PPM1E: variants seen among roughly 807,000 people sequenced by gnomAD.
PPM1E encodes protein phosphatase 1E.
Under a neutral mutation model 65.9 loss-of-function variants are expected in PPM1E, and 20 were observed. That is an observed-to-expected ratio of 0.30 (90% CI 0.21 to 0.44). The LOEUF (loss-of-function observed/expected upper bound fraction) is 0.44. Ranked by LOEUF, PPM1E falls within the 20% of genes least tolerant of loss-of-function variation. The probability of loss-of-function intolerance (pLI) is 1.00; values close to 1 mark genes in which losing one functional copy is unlikely to be tolerated. For synonymous variants in PPM1E, 352 were observed against 374.9 expected (o/e 0.94, Z 0.70); for missense variants, 713 against 953.1 (o/e 0.75, Z 3.32).
chr17:58,830,931 C>T (rs144101987), intron 1 of PPM1E, among the ~76,000 whole-genome samples: 36 of 151,904 alleles, frequency 2.4e-4, no homozygotes, highest in African/African-American at 7.5e-4. Flanking sequence ...GTGATCCACC[C>T]GCCTTGGCCT....
At chr17:58,895,592 A>G (rs2051402682) in intron 1 of PPM1E, among the ~76,000 whole-genome samples, 1 of 151,940 alleles carries the variant, frequency 6.6e-6, no homozygotes, top group South Asian at 2.1e-4. Context: ...AGATCACTTG[A>G]GCCCAGGAGT....
chr17:58,933,730 A>G (rs551143785), intron 1 of PPM1E, among the ~76,000 whole-genome samples: 1 of 150,188 alleles, frequency 6.7e-6, no homozygotes, highest in African/African-American at 2.5e-5. Context: ...TGGAAAGTGG[A>G]GGTTTCAGTG....
chr17:58,953,526 C>G (rs1330256127), intron 1 of PPM1E, among the ~76,000 whole-genome samples: 2 of 152,190 alleles, frequency 1.3e-5, no homozygotes, highest in Admixed American at 1.3e-4. Context: ...GAGGGACCTG[C>G]TTCCATGACC....
intron 1 of PPM1E, among the ~76,000 whole-genome samples, chr17:58,921,814 G>A (rs897860023): frequency 1.8e-4 from 27 of 152,090 alleles, no homozygotes; most frequent in Admixed American, 5.2e-4. Context: ...GCCGAGGTGG[G>A]TGGATTGTCT....
At chr17:58,952,529 G>A (rs2052253820) in intron 1 of PPM1E, among the ~76,000 whole-genome samples, 1 of 152,180 alleles carries the variant, frequency 6.6e-6, no homozygotes, top group Admixed American at 6.5e-5. Context: ...ACAGGCATGG[G>A]AATGTTACTG....
chr17:58,923,461 T>C (rs1320473391), intron 1 of PPM1E, among the ~76,000 whole-genome samples: 1 of 151,626 alleles, frequency 6.6e-6, no homozygotes, highest in Non-Finnish European at 1.5e-5. Context: ...AAAAAGTCAT[T>C]TGGGCTGGGC....
At chr17:58,933,468 A>G (rs1013037836) in intron 1 of PPM1E, among the ~76,000 whole-genome samples, 35 of 152,228 alleles carry the variant, frequency 2.3e-4, no homozygotes, top group African/African-American at 8.4e-4. Context: ...ATATTGATAA[A>G]TTAAGAAATA....
At chr17:58,968,122 G>C (rs1422156660) in intron 3 of PPM1E, among the ~76,000 whole-genome samples, 1 of 152,038 alleles carries the variant, frequency 6.6e-6, no homozygotes, top group Non-Finnish European at 1.5e-5. Context: ...CTAGAGAGTT[G>C]TTTAATCCGT....
At position 58,984,996 on chromosome 17, in the gene PPM1E, G is replaced by A. The variant is rs774693868; in HGVS notation, c.*3965G>A. 4 of 152,600 alleles carry A rather than the reference G, an allele frequency of 2.6e-5. No homozygotes were observed. The highest frequency in any genetic ancestry group is 9.7e-5 in the African/African-American group (4 of 41,438). The allele number at this position is 152,600 out of a possible 1,614,324, so 9.5% of individuals were successfully genotyped here. On this transcript the variant is annotated 3_prime_UTR_variant, in exon 7 of 7. Coordinates refer to ENST00000308249, the MANE Select transcript of PPM1E (RefSeq NM_014906.5). ...CAAAGAATTCTCTATGGAGTGAAGCGAATGAAGTGAATAATTTCTTACCAA... is the reference window on the plus strand; with the variant it reads ...CAAAGAATTCTCTATGGAGTGAAGCAAATGAAGTGAATAATTTCTTACCAA...
At chr17:58,825,710 C>G (rs1445615076) in intron 1 of PPM1E, among the ~76,000 whole-genome samples, 1 of 151,764 alleles carries the variant, frequency 6.6e-6, no homozygotes, top group Non-Finnish European at 1.5e-5. Flanking sequence ...GCTGGGATTA[C>G]AGGCACCCAC....
chr17:58,903,362 T>C (rs1460170472), intron 1 of PPM1E, among the ~76,000 whole-genome samples: 2 of 152,196 alleles, frequency 1.3e-5, no homozygotes, highest in Non-Finnish European at 2.9e-5. Context: ...GCTGAACATT[T>C]TTCCAATTTG....
chr17:58,973,953 A>C (rs2030829494), intron 6 of PPM1E, among the ~76,000 whole-genome samples: 1 of 902 alleles, frequency 1.1e-3, no homozygotes, highest in Admixed American at 0.01. Flanking sequence ...CTCCATCTCA[A>C]AAAAAAAAAA....
intron 1 of PPM1E, among the ~76,000 whole-genome samples, chr17:58,821,991 A>G (rs1361518492): frequency 1.3e-5 from 2 of 152,208 alleles, no homozygotes; most frequent in African/African-American, 4.8e-5. Context: ...AAAGGCGATC[A>G]AGGAAAAAGC....
At chr17:58,775,076 C>G (rs539319630) in intron 1 of PPM1E, among the ~76,000 whole-genome samples, 3 of 152,288 alleles carry the variant, frequency 2.0e-5, no homozygotes, top group African/African-American at 7.2e-5. Flanking sequence ...TGCTTGTGAT[C>G]TCTTGATCAC....
At chr17:58,821,939 T>G (rs1218551956) in intron 1 of PPM1E, among the ~76,000 whole-genome samples, 1 of 152,196 alleles carries the variant, frequency 6.6e-6, no homozygotes, top group Non-Finnish European at 1.5e-5. Context: ...CAACTAGCTT[T>G]TCTAATAACT....
intron 1 of PPM1E, among the ~76,000 whole-genome samples, chr17:58,884,038 C>A (rs1401552683): frequency 2.0e-5 from 3 of 152,156 alleles, no homozygotes; most frequent in Non-Finnish European, 4.4e-5. Flanking sequence ...TGCATAGGGT[C>A]ACTTAGTCTC....
intron 1 of PPM1E, among the ~76,000 whole-genome samples, chr17:58,884,529 G>A (rs958791594): frequency 1.3e-5 from 2 of 151,834 alleles, no homozygotes; most frequent in African/African-American, 4.8e-5. Flanking sequence ...CTTAATTTTT[G>A]TCTTAGTAGG....
At chr17:58,916,431 A>C (rs1024174847) in intron 1 of PPM1E, among the ~76,000 whole-genome samples, 9 of 152,124 alleles carry the variant, frequency 5.9e-5, no homozygotes, top group African/African-American at 2.2e-4. Context: ...GTCAGTAAGA[A>C]ATTATAGCTT....
chr17:58,851,438 G>A (rs1216586812), intron 1 of PPM1E, among the ~76,000 whole-genome samples: 2 of 152,166 alleles, frequency 1.3e-5, no homozygotes, highest in Admixed American at 1.3e-4. Context: ...TTTGATGATG[G>A]TGATGTACAG....
Sources: gnomAD v4.1 joint callset for allele counts (sites outside exome capture counted in the v4.1 genomes callset) on GRCh38, gnomAD v4.1.1 for gene constraint, MANE v1.5 for transcripts, NCBI Gene and HGNC (gene_info 2026-07-23, HGNC 2026-07-21) for gene names.